NFIB: variants seen among roughly 807,000 people sequenced by gnomAD.
NFIB encodes the protein nuclear factor 1 B-type.
Under a neutral mutation model 61.5 loss-of-function variants are expected in NFIB, and 11 were observed. That is an observed-to-expected ratio of 0.18 (90% CI 0.11 to 0.30). The LOEUF (loss-of-function observed/expected upper bound fraction) is 0.30, where lower values mean the gene tolerates loss of function less well. Among genes scored for constraint, NFIB ranks in the 10% least tolerant of loss-of-function variants. NFIB has a pLI of 1.00. For missense variants in NFIB, 471 were observed against 608.9 expected, an observed-to-expected ratio of 0.77 and a Z score of 2.38; for synonymous variants, 260 against 216.5, an observed-to-expected ratio of 1.20 and a Z score of -1.76.
intron 2 of NFIB, among the ~76,000 whole-genome samples, chr9:14,184,978 G>T (rs377574851): frequency 6.6e-6 from 1 of 152,070 alleles, no homozygotes; most frequent in Non-Finnish European, 1.5e-5. Context: ...AGCCAAGATC[G>T]GCTCATGTAT....
exon 1 of NFIB, chr9:14,398,569 G>C (rs1564058536): frequency 6.5e-7 from 1 of 1,535,154 alleles, no homozygotes; most frequent in African/African-American, 1.4e-5. Context: ...GAATCCCAGG[G>C]TTACATTTCA....
At chr9:14,249,690 G>A (rs2055361099) in intron 2 of NFIB, among the ~76,000 whole-genome samples, 1 of 151,904 alleles carries the variant, frequency 6.6e-6, no homozygotes, top group African/African-American at 2.4e-5. Flanking sequence ...GGGAGGGAGG[G>A]GAGAAGAAGA....
chr9:14,510,204 G>A, the NFIB span, among the ~76,000 whole-genome samples: 1 of 152,126 alleles, frequency 6.6e-6, no homozygotes, highest in African/African-American at 2.4e-5. Context: ...CCTTGAAGAC[G>A]CATTTTAAAT....
At chr9:14,169,695 G>A (rs568764400) in intron 3 of NFIB, among the ~76,000 whole-genome samples, 3 of 152,282 alleles carry the variant, frequency 2.0e-5, no homozygotes, top group Admixed American at 2.0e-4. Context: ...GCCCATGCCT[G>A]TAGTCCCAGC....
At chr9:14,172,731 G>T (rs1587293778) in intron 3 of NFIB, among the ~76,000 whole-genome samples, 2 of 151,680 alleles carry the variant, frequency 1.3e-5, no homozygotes, top group East Asian at 3.9e-4. Context: ...ACTTCGGTAT[G>T]TCATCTTAAG....
chr9:14,151,805 C>T lies in NFIB; in HGVS notation c.686-1540G>A, dbSNP rs73411945. Among the ~76,000 whole-genome samples the T allele has an allele frequency of 2.0e-3, 301 of 152,180 alleles. 1 individual carries two copies. Among genetic ancestry groups the T allele is most frequent in the African/African-American group, 6.8e-3 (281 of 41,552 alleles). On this transcript the variant is annotated intron_variant, in intron 4 of 10. Transcript: ENST00000380953. ...TTAATCAGCCCTTCAAAAGCTCACA[C>T]GAAATTGTACTCTGGGGCTTTGCAA... is the stretch of plus-strand genomic sequence containing the variant.
At chr9:14,526,936 C>G in the NFIB span, among the ~76,000 whole-genome samples, 1 of 152,162 alleles carries the variant, frequency 6.6e-6, no homozygotes, top group Non-Finnish European at 1.5e-5. Context: ...AAATTAATAA[C>G]CATCTAATCA....
chr9:14,302,988 T>C (rs2059829325), intron 2 of NFIB, among the ~76,000 whole-genome samples: 1 of 152,192 alleles, frequency 6.6e-6, no homozygotes, highest in Non-Finnish European at 1.5e-5. Context: ...TGTACAAAAT[T>C]GTGCACTGAG....
At chr9:14,196,272 G>A (rs1004831850) in intron 2 of NFIB, among the ~76,000 whole-genome samples, 2 of 152,030 alleles carry the variant, frequency 1.3e-5, no homozygotes, top group African/African-American at 4.8e-5. Flanking sequence ...AGCTTCACTC[G>A]CTTGGGTTAA....
At chr9:14,195,482 A>T (rs1202047134) in intron 2 of NFIB, among the ~76,000 whole-genome samples, 1 of 152,244 alleles carries the variant, frequency 6.6e-6, no homozygotes, top group East Asian at 1.9e-4. Context: ...CTCAAAGAAA[A>T]TGATAAATTC....
At chr9:14,402,563 A>C (rs891405711), upstream of NFIB, among the ~76,000 whole-genome samples, 2 of 152,196 alleles carry the variant, frequency 1.3e-5, no homozygotes, top group African/African-American at 4.8e-5. Flanking sequence ...CAGATTTAAA[A>C]AAATTAAGAT....
chr9:14,427,935 TTG>T, the NFIB span, among the ~76,000 whole-genome samples: 2 of 116,806 alleles, frequency 1.7e-5, no homozygotes, highest in Non-Finnish European at 3.4e-5. Flanking sequence ...TTTAATTCAG[TTG>T]TTTTTTTTTT....
chr9:14,374,541 T>C (rs982445054), intron 1 of NFIB, among the ~76,000 whole-genome samples: 53 of 152,222 alleles, frequency 3.5e-4, no homozygotes, highest in African/African-American at 1.2e-3. Flanking sequence ...AGAGAAACTT[T>C]TTTAGAGTAC....
At chr9:14,406,704 C>G in the NFIB span, among the ~76,000 whole-genome samples, 1 of 152,130 alleles carries the variant, frequency 6.6e-6, no homozygotes, top group African/African-American at 2.4e-5. Flanking sequence ...ACAGAAGTGA[C>G]GGAGGCTGCT....
chr9:14,167,241 T>C (rs1372389205), intron 3 of NFIB, among the ~76,000 whole-genome samples: 1 of 152,066 alleles, frequency 6.6e-6, no homozygotes, highest in Admixed American at 6.6e-5. Context: ...ATTTCATGAG[T>C]ATATGCATAC....
At chr9:14,454,894 C>A in the NFIB span, among the ~76,000 whole-genome samples, 1 of 152,204 alleles carries the variant, frequency 6.6e-6, no homozygotes, top group Non-Finnish European at 1.5e-5. Context: ...TATGTCAAGA[C>A]ACCAGCATAT....
At chr9:14,462,870 A>T in the NFIB span, among the ~76,000 whole-genome samples, 118,391 of 152,146 alleles carry the variant, frequency 0.78, 46,646 homozygotes, top group African/African-American at 0.89. Flanking sequence ...TTAGTTATTA[A>T]CATGTTTTAA....
chr9:14,419,817 C>A, the NFIB span, among the ~76,000 whole-genome samples: 1 of 152,206 alleles, frequency 6.6e-6, no homozygotes, highest in Non-Finnish European at 1.5e-5. Flanking sequence ...AGCTTTGTCA[C>A]CCCAGGACAT....
intron 2 of NFIB, among the ~76,000 whole-genome samples, chr9:14,182,734 G>C (rs1247775144): frequency 1.5e-4 from 22 of 150,482 alleles, no homozygotes; most frequent in African/African-American, 4.9e-4. Flanking sequence ...GTGTGTGTGT[G>C]TGTGTGTGTG....
Sources: allele counts gnomAD v4.1 joint callset (sites outside exome capture counted in the v4.1 genomes callset), GRCh38; gene constraint gnomAD v4.1.1; transcripts MANE v1.5; gene names NCBI Gene and HGNC (gene_info 2026-07-23, HGNC 2026-07-21).